The following RHEX variants were observed in gnomAD, a reference collection of about 807,000 sequenced individuals.
The protein encoded by RHEX is regulator of hemoglobinization and erythroid cell expansion, also known as regulator of hemoglobinization and erythroid cell expansion protein.
A neutral mutation model predicts 20.1 loss-of-function variants in RHEX; 18 were observed. The observed-to-expected ratio is 0.90, with a 90% CI of 0.62 to 1.33. The LOEUF (loss-of-function observed/expected upper bound fraction) is 1.33, where lower values mean the gene tolerates loss of function less well. RHEX is among the 40% of genes most tolerant of loss of function. The pLI, the probability that RHEX is intolerant of heterozygous loss-of-function variation, is 0.00. For synonymous variants in RHEX, 87 were observed against 77.1 expected (o/e 1.13, Z -0.67); for missense variants, 192 against 214.3 (o/e 0.90, Z 0.65).
chr1:206,059,917 A>G (rs1553283138), intron 1 of RHEX, among the ~76,000 whole-genome samples: 3 of 152,054 alleles, frequency 2.0e-5, no homozygotes, highest in Admixed American at 2.0e-4. Context: ...GGCCTTGCTT[A>G]TGTCCTGATC....
chr1:206,076,523 C>A (rs140765910), intron 1 of RHEX, among the ~76,000 whole-genome samples: 1 of 152,214 alleles, frequency 6.6e-6, no homozygotes, highest in Admixed American at 6.5e-5. Flanking sequence ...CTCACGCCCA[C>A]GGCAGGGAAG....
chr1:206,075,704 G>T (rs556327241), intron 1 of RHEX, among the ~76,000 whole-genome samples: 1 of 151,684 alleles, frequency 6.6e-6, no homozygotes, highest in Non-Finnish European at 1.5e-5. Context: ...GGGTTCAAGC[G>T]ATTCTCCTGC....
chr1:206,098,044 G>A (rs1663110983), intron 2 of RHEX, 37 bp from the exon 3 acceptor site: 3 of 1,498,238 alleles, frequency 2.0e-6, no homozygotes, highest in Non-Finnish European at 1.9e-6. Context: ...TCACATCCTT[G>A]CAATCTCTGA....
At chr1:206,098,447 C>A (rs1331309088) in intron 3 of RHEX, 1 of 422,384 alleles carries the variant, frequency 2.4e-6, no homozygotes. Flanking sequence ...TGCCTAGACA[C>A]AGCTTTTGCA....
At chr1:206,091,729 T>C (rs938116291) in intron 1 of RHEX, among the ~76,000 whole-genome samples, 10 of 152,198 alleles carry the variant, frequency 6.6e-5, no homozygotes, top group Non-Finnish European at 1.2e-4. Flanking sequence ...GTAGTGGTAA[T>C]GTCTATTTTT....
At position 206,090,319 on chromosome 1, in the gene RHEX, C is replaced by T. The variant is rs535982032; in HGVS notation, c.-96-7414C>T. 2.0e-5 allele frequency among the ~76,000 whole-genome samples: 3 copies of T among 151,296 alleles called. No homozygotes were observed. In the South Asian group the frequency reaches 6.3e-4, roughly 32 times the overall value. ...CTCCTAGGTTCAAGCGATTCTCCTG[C>T]CTCAGCCTCCAGAGTTGTTGGGATT... On this transcript the variant is annotated intron_variant, in intron 1 of 5. Transcript: ENST00000331555.
At chr1:206,079,158 G>A (rs1160199359) in intron 1 of RHEX, among the ~76,000 whole-genome samples, 4 of 152,124 alleles carry the variant, frequency 2.6e-5, no homozygotes, top group Non-Finnish European at 5.9e-5. Context: ...CTGATATAGT[G>A]GCTGGTGCTG....
intron 1 of RHEX, among the ~76,000 whole-genome samples, chr1:206,059,582 T>C (rs1046136825): frequency 5.9e-5 from 9 of 152,096 alleles, no homozygotes; most frequent in African/African-American, 2.2e-4. Context: ...CTTCACTTTA[T>C]GGGGAAGAAA....
chr1:206,068,393 C>T (rs1662469182), intron 1 of RHEX, among the ~76,000 whole-genome samples: 1 of 152,102 alleles, frequency 6.6e-6, no homozygotes, highest in South Asian at 2.1e-4. Context: ...AAGGCTTTCA[C>T]TACCACAAAC....
chr1:206,061,567 T>C (rs1662311358), intron 1 of RHEX: 1 of 152,230 alleles, frequency 6.6e-6, no homozygotes, highest in Non-Finnish European at 1.5e-5. Context: ...AGCATTCTAC[T>C]TGCTGTCCTG....
At chr1:206,069,913 A>G (rs1662495442) in intron 1 of RHEX, among the ~76,000 whole-genome samples, 1 of 152,240 alleles carries the variant, frequency 6.6e-6, no homozygotes, top group African/African-American at 2.4e-5. Flanking sequence ...GAGGACGGAC[A>G]AATAAAAAGA....
At chr1:206,101,610 C>A in intron 5 of RHEX, 142 bp from the exon 6 acceptor site, 1 of 662,372 alleles carries the variant, frequency 1.5e-6, no homozygotes, top group Non-Finnish European at 2.6e-6. Flanking sequence ...CCCTGGACTG[C>A]TCCCAGACAC....
chr1:206,059,608 A>G (rs1662268548), intron 1 of RHEX, among the ~76,000 whole-genome samples: 1 of 151,344 alleles, frequency 6.6e-6, no homozygotes, highest in South Asian at 2.1e-4. Context: ...AGGAGACTGA[A>G]TGCAGATAAA....
rs936254996 is a variant in RHEX at position 206,102,029 on chromosome 1, C to A, written c.*77C>A. ...TTTGTAGGGAAATGCCATTTTTCCC[C>A]CTTAAACAAGGCATGGGGCTCACAA... On this transcript the variant is annotated 3_prime_UTR_variant, in exon 6 of 6. Transcript: ENST00000331555. 2 of 1,231,410 alleles carry A rather than the reference C, an allele frequency of 1.6e-6. No individual in the cohort carries two copies. Among genetic ancestry groups the A allele is most frequent in the Non-Finnish European group, 2.4e-6 (2 of 844,418 alleles). The allele number at this position is 1,231,410 out of a possible 1,614,324, so 76.3% of individuals were successfully genotyped here.
intron 4 of RHEX, among the ~76,000 whole-genome samples, chr1:206,100,640 C>A (rs1663168172): frequency 6.6e-6 from 1 of 152,118 alleles, no homozygotes; most frequent in African/African-American, 2.4e-5. Context: ...CTCAGAGACT[C>A]TTGTTCAACC....
At chr1:206,059,031 C>T (rs1255896812) in intron 1 of RHEX, among the ~76,000 whole-genome samples, 2 of 152,122 alleles carry the variant, frequency 1.3e-5, no homozygotes, top group Non-Finnish European at 2.9e-5. Flanking sequence ...TAGACACCCT[C>T]ATGCTATCTC....
At chr1:206,098,336 C>A (rs782705842) in intron 3 of RHEX, 155 bp downstream of exon 3, 12 of 615,962 alleles carry the variant, frequency 1.9e-5, no homozygotes, top group South Asian at 7.5e-5. Context: ...CCCCCTCCCC[C>A]CAATAACTGT....
chr1:206,061,693 C>T (rs781820648), intron 1 of RHEX: 1 of 152,244 alleles, frequency 6.6e-6, no homozygotes, highest in Admixed American at 6.5e-5. Flanking sequence ...GCCATATATT[C>T]CAACGTGATC....
intron 1 of RHEX, among the ~76,000 whole-genome samples, chr1:206,069,707 A>G (rs1412264684): frequency 6.6e-6 from 1 of 152,176 alleles, no homozygotes; most frequent in Admixed American, 6.5e-5. Flanking sequence ...GAAAACATCT[A>G]TAAACATCTA....
Sources: gnomAD v4.1 joint callset for allele counts (sites outside exome capture counted in the v4.1 genomes callset) on GRCh38, gnomAD v4.1.1 for gene constraint, MANE v1.5 for transcripts, NCBI Gene and HGNC (gene_info 2026-07-23, HGNC 2026-07-21) for gene names.